Variants in TECTA observed in about 807,000 individuals in gnomAD.
TECTA encodes alpha-tectorin.
Under a neutral mutation model 216.8 loss-of-function variants are expected in TECTA, and 128 were observed. That is an observed-to-expected ratio of 0.59 (90% confidence interval 0.51 to 0.68). TECTA has a LOEUF of 0.68. Among genes scored for constraint, TECTA ranks in the 30% least tolerant of loss-of-function variants. TECTA has a pLI of 0.00. For synonymous variants in TECTA, 1,089 were observed against 1,117.1 expected (o/e 0.97, Z 0.50); for missense variants, 2,551 against 2,786.2 (o/e 0.92, Z 1.90).
chr11:121,190,586 A>G, intron 23 of TECTA, 120 bp from the exon 24 acceptor site: 1 of 784,522 alleles, frequency 1.3e-6, no homozygotes, highest in Non-Finnish European at 2.2e-6. Context: ...CCATTTAGGT[A>G]AAATGGGTTC....
chr11:121,163,065 C>G (rs1295649557), intron 16 of TECTA, among the ~76,000 whole-genome samples: 1 of 152,168 alleles, frequency 6.6e-6, no homozygotes, highest in Non-Finnish European at 1.5e-5. Flanking sequence ...GTCACTCTCA[C>G]TAGTGTGGCC....
Position 121,128,006 on chromosome 11 carries a change from T to G in TECTA, c.2029T>G (p.Cys677Gly). 6.2e-7 allele frequency: 1 copy of G among 1,613,948 alleles called. No homozygotes were observed. Among genetic ancestry groups the G allele is most frequent in the Non-Finnish European group, 8.5e-7 (1 of 1,179,988 alleles). Residue 677 changes from cysteine to glycine, a missense_variant, in exon 9 of 24, where the codon TGC becomes GGC. By Grantham distance (159) the Cys-to-Gly change is radical (BLOSUM62 -3). Around this residue, in one of 3 missense-constraint regions of TECTA, gnomAD observed 2,375 missense variants for 2,563.9 expected, o/e 0.93. Transcript: ENST00000392793. The stretch of plus-strand genomic sequence containing the variant: ...GGCCAACTGCACTGTGCAATGCCTG[T>G]GCGAGGAGGGCGGGGACGTCTACTG... ...ATANCTVQCL[C>G]EEGGDVYCFN...
chr11:121,102,726 C>CA lies in TECTA; in HGVS notation c.63dup (p.Ala22SerfsTer14). 1 of 1,612,640 alleles carries CA rather than the reference C, an allele frequency of 6.2e-7. No homozygotes were observed. Among genetic ancestry groups the CA allele is most frequent in the Non-Finnish European group, 8.5e-7 (1 of 1,178,796 alleles). ...TTTCATCTTCGCACTTGTACAGCAC[C>CA]AAGGTGAGTACTACAGAATTCCATA... On this transcript the variant is annotated frameshift_variant, in exon 2 of 24. Transcript: ENST00000392793. LOFTEE classifies it high-confidence loss of function.
Position 121,118,498 on chromosome 11 carries a change from C to A in TECTA, c.983C>A (p.Pro328Gln), listed in dbSNP as rs1276806724. The change falls in exon 7 of 24, where the codon CCA (proline) becomes CAA (glutamine). Residue 328 changes from proline (P) to glutamine (Q), a missense_variant. Physicochemically the swap from Pro to Gln is moderately conservative, Grantham distance 76 (BLOSUM62 -1). Coordinates refer to ENST00000392793, the MANE Select transcript of TECTA (RefSeq NM_005422.4). ...ETSTCVVFGE[P>Q]HYHTFDGFLF... ...AGCACATGCGTGGTGTTTGGGGAGCCACACTACCACACTTTTGACGGCTTC... is the reference window on the plus strand; with the variant it reads ...AGCACATGCGTGGTGTTTGGGGAGCAACACTACCACACTTTTGACGGCTTC... 3 of 1,614,184 alleles carry A rather than the reference C, an allele frequency of 1.9e-6. No homozygotes were observed.
chr11:121,142,790 G>A (rs1030365351), intron 11 of TECTA, among the ~76,000 whole-genome samples: 1 of 151,860 alleles, frequency 6.6e-6, no homozygotes, highest in East Asian at 1.9e-4. Flanking sequence ...TCCAGGTGCC[G>A]AGAGTGAGGC....
At chr11:121,143,974 T>G (rs1946810057) in intron 11 of TECTA, among the ~76,000 whole-genome samples, 1 of 152,266 alleles carries the variant, frequency 6.6e-6, no homozygotes, top group Non-Finnish European at 1.5e-5. Flanking sequence ...CTGGGCAAAG[T>G]GGTTCCCATG....
chr11:121,172,415 A>G (rs926341559), intron 20 of TECTA, among the ~76,000 whole-genome samples: 3 of 151,408 alleles, frequency 2.0e-5, no homozygotes, highest in African/African-American at 7.3e-5. Flanking sequence ...TCCAGTTCCC[A>G]CCTATGAGTG....
At chr11:121,166,872 G>C in intron 18 of TECTA, 92 bp downstream of exon 18, 1 of 1,430,608 alleles carries the variant, frequency 7.0e-7, no homozygotes. Context: ...ACTTCAGGGT[G>C]ATCTGCTTAG....
At chr11:121,160,076 A>G in intron 14 of TECTA, 59 bp from the exon 15 acceptor site, 7 of 1,611,850 alleles carry the variant, frequency 4.3e-6, no homozygotes, top group Non-Finnish European at 5.9e-6. Flanking sequence ...CCCTTTCCTG[A>G]ACAAGTTTGC....
chr11:121,189,865 G>T lies in TECTA; in HGVS notation c.6352G>T (p.Gly2118Cys). The T allele has an allele frequency of 6.2e-7, 1 of 1,612,992 alleles. No homozygotes were observed. The highest frequency in any genetic ancestry group is 1.1e-5 in the South Asian group (1 of 91,036). ...TGTAACAGGAACCCTGCAGGAGGAC[G>T]GCAAGAGCTGCAGAGGTAGACACTC... ...SCVTGTLQED[G>C]KSCRASNSSM... Residue 2118 changes from glycine to cysteine, a missense_variant, in exon 23 of 24, where the codon GGC becomes TGC. Physicochemically the swap from Gly to Cys is radical, Grantham distance 159. Coordinates refer to ENST00000392793, the MANE Select transcript of TECTA (RefSeq NM_005422.4).
rs1223895212 is a variant in TECTA at position 121,113,610 on chromosome 11, C to G, written c.682C>G (p.Pro228Ala). 3 of 1,613,782 alleles carry G rather than the reference C, an allele frequency of 1.9e-6. No homozygotes were observed. The highest frequency in any genetic ancestry group is 1.7e-5 in the Admixed American group (1 of 59,996). Reference sequence around the variant, plus strand: ...CTTCAGCCTCCCGGGGTCAAGAACCCCCGAGATCGTGAATATCCAGGAGAC... The same window carrying G: ...CTTCAGCCTCCCGGGGTCAAGAACCGCCGAGATCGTGAATATCCAGGAGAC... ...NFFSLPGSRT[P>A]EIVNIQETTN... The change falls in exon 6 of 24, where the codon CCC (proline) becomes GCC (alanine). Residue 228 changes from proline to alanine, a missense_variant. Pro to Ala is a conservative substitution (Grantham distance 27). Coordinates refer to ENST00000392793, the MANE Select transcript of TECTA (RefSeq NM_005422.4). This position sits in a 1 kb window ranked among gnomAD's most constrained non-coding sequence, Gnocchi z 4.2.
At chr11:121,143,490 G>A (rs1260203282) in intron 11 of TECTA, among the ~76,000 whole-genome samples, 1 of 152,188 alleles carries the variant, frequency 6.6e-6, no homozygotes, top group African/African-American at 2.4e-5. Flanking sequence ...CCCAGGCTGA[G>A]GCTGGTGCCT....
chr11:121,167,160 A>G (rs1249704373), intron 18 of TECTA, among the ~76,000 whole-genome samples: 1 of 152,208 alleles, frequency 6.6e-6, no homozygotes, highest in African/African-American at 2.4e-5. Flanking sequence ...GCCAAGTGCT[A>G]TGGCTCATGC....
chr11:121,138,009 A>G lies in TECTA; in HGVS notation c.3530A>G (p.Lys1177Arg). Residue 1177 changes from lysine (K) to arginine (R), a missense_variant, in exon 11 of 24, where the codon AAG (lysine) becomes AGG (arginine). Coordinates refer to ENST00000392793, the MANE Select transcript of TECTA (RefSeq NM_005422.4). ...AGCATCGTGATCCACCGAGCTTACA[A>G]GCACACTGTGCTGGTGAGTAGTCAT... is the stretch of plus-strand genomic sequence containing the variant. ...GYSIVIHRAY[K>R]HTVLVNSERL... 1 of 1,613,918 alleles carries G rather than the reference A, an allele frequency of 6.2e-7. No individual in the cohort carries two copies.
Position 121,190,740 on chromosome 11 carries a change from G to T in TECTA, c.6402G>T (p.Thr2134=), listed in dbSNP as rs141203939. Residue 2134 remains threonine (T), a synonymous_variant, in exon 24 of 24, where the codon ACG becomes ACT. Transcript: ENST00000392793. ...SNSSMELQVW[T]LLLIMIQISL... The stretch of plus-strand genomic sequence containing the variant: ...CTTCAATGGAACTTCAAGTCTGGAC[G>T]CTTCTTCTCATCATGATCCAGATTT... 1.3e-4 allele frequency: 216 copies of T among 1,613,816 alleles called. 2 individuals are homozygous for T. The Admixed American group carries it at 3.6e-3, about 27-fold the overall frequency.
intron 22 of TECTA, 123 bp from the exon 23 acceptor site, chr11:121,189,641 T>G: frequency 1.1e-6 from 1 of 903,756 alleles, no homozygotes; most frequent in Non-Finnish European, 1.8e-6. Flanking sequence ...CCCAAAGTGC[T>G]GGGATTACAG....
At position 121,137,669 on chromosome 11, in the gene TECTA, A is replaced by G; in HGVS notation, c.3190A>G (p.Ser1064Gly). The G allele has an allele frequency of 6.2e-7, 1 of 1,614,050 alleles. No homozygotes were observed. The highest frequency in any genetic ancestry group is 8.5e-7 in the Non-Finnish European group (1 of 1,180,002). The change falls in exon 11 of 24, where the codon AGT becomes GGT. Residue 1064 changes from serine (S) to glycine (G), a missense_variant. Physicochemically the swap from Ser to Gly is moderately conservative, Grantham distance 56. This residue lies in a region of TECTA where 2,375 missense variants were observed against 2,563.9 expected (regional missense o/e 0.93). Transcript: ENST00000392793. Reference sequence around the variant, plus strand: ...GGACTGCCAGATCTTCTGCTATTGCAGTGGCACAGACAACAGGGTCCACTG... The same window carrying G: ...GGACTGCCAGATCTTCTGCTATTGCGGTGGCACAGACAACAGGGTCCACTG... Reference protein sequence around the residue: ...DLDCQIFCYCSGTDNRVHCET... With the variant: ...DLDCQIFCYCGGTDNRVHCET...
At chr11:121,139,751 A>C (rs1318125070) in intron 11 of TECTA, among the ~76,000 whole-genome samples, 1 of 152,004 alleles carries the variant, frequency 6.6e-6, no homozygotes, top group Non-Finnish European at 1.5e-5. Context: ...GGTTCCCATG[A>C]TTTTGTCACA....
chr11:121,174,882 C>G (rs1240895249), intron 20 of TECTA, among the ~76,000 whole-genome samples: 1 of 152,168 alleles, frequency 6.6e-6, no homozygotes, highest in African/African-American at 2.4e-5. Flanking sequence ...TGTTACTGAT[C>G]TGTTCAGAGA....
Sources: allele counts gnomAD v4.1 joint callset (sites outside exome capture counted in the v4.1 genomes callset), GRCh38; gene constraint gnomAD v4.1.1; regional missense constraint gnomAD v4.1.1; non-coding constraint Gnocchi (gnomAD v3.1); transcripts MANE v1.5; gene names NCBI Gene and HGNC (gene_info 2026-07-23, HGNC 2026-07-21).